OGDH: variants seen among roughly 807,000 people sequenced by gnomAD.
The protein encoded by OGDH is 2-oxoglutarate dehydrogenase complex component E1.
OGDH carries 38 observed loss-of-function variants against 116.6 expected under a neutral mutation model. The ratio of observed to expected loss-of-function variants is 0.33; its 90% confidence interval spans 0.25 to 0.43. The LOEUF (loss-of-function observed/expected upper bound fraction) is 0.43. Ranked by LOEUF, OGDH falls within the 20% of genes least tolerant of loss-of-function variation. The pLI, the probability that OGDH is intolerant of heterozygous loss-of-function variation, is 1.00. For missense variants in OGDH, 825 were observed against 1,357.2 expected (o/e 0.61, Z 6.16); for synonymous variants, 488 against 533.3 (o/e 0.92, Z 1.17).
chr7:44,665,476 T>C (rs1232467899), intron 4 of OGDH, among the ~76,000 whole-genome samples: 1 of 152,094 alleles, frequency 6.6e-6, no homozygotes, highest in African/African-American at 2.4e-5. Context: ...CTTGGGAGAT[T>C]TGTGGGCCCA....
chr7:44,662,055 C>A (rs113371281), intron 4 of OGDH, among the ~76,000 whole-genome samples: 202 of 152,270 alleles, frequency 1.3e-3, no homozygotes, highest in African/African-American at 4.2e-3. Context: ...TACTGTCCTG[C>A]ATTTATAATA....
intron 4 of OGDH, among the ~76,000 whole-genome samples, chr7:44,655,653 A>G (rs1786657416): frequency 6.6e-6 from 1 of 152,246 alleles, no homozygotes; most frequent in South Asian, 2.1e-4. Flanking sequence ...TATCCAAATA[A>G]ATGCCTTGAT....
intron 4 of OGDH, among the ~76,000 whole-genome samples, chr7:44,660,934 GCGCGTGTGCACACACACA>G (rs1168535117): frequency 1.3e-5 from 2 of 151,046 alleles, no homozygotes. Context: ...ACACACACAC[GCGCGTGTGCACACACACA>G]CACATCTGTT....
At chr7:44,621,475 A>C (rs777947316) in intron 1 of OGDH, among the ~76,000 whole-genome samples, 2 of 152,202 alleles carry the variant, frequency 1.3e-5, no homozygotes, top group Non-Finnish European at 2.9e-5. Context: ...TCGTTCTGTC[A>C]AAGTGTGGAC....
chr7:44,626,399 C>T (rs1335618059), intron 2 of OGDH, among the ~76,000 whole-genome samples: 1 of 151,680 alleles, frequency 6.6e-6, no homozygotes, highest in Admixed American at 6.6e-5. Flanking sequence ...AAAACTGAGC[C>T]CTGAGGTTTC....
intron 2 of OGDH, among the ~76,000 whole-genome samples, chr7:44,642,349 C>T (rs6463241): frequency 0.05 from 7,585 of 151,972 alleles, 596 homozygotes; most frequent in African/African-American, 0.17. Context: ...ACTTGAGCCC[C>T]GGAGGTGGGG....
intron 10 of OGDH, among the ~76,000 whole-genome samples, chr7:44,684,940 A>G (rs1585362601): frequency 6.6e-6 from 1 of 151,946 alleles, no homozygotes; most frequent in Non-Finnish European, 1.5e-5. Context: ...GGCACGTGCC[A>G]CCACACCTGG....
At chr7:44,636,939 C>A (rs927457854) in intron 2 of OGDH, among the ~76,000 whole-genome samples, 2 of 152,054 alleles carry the variant, frequency 1.3e-5, no homozygotes, top group African/African-American at 2.4e-5. Flanking sequence ...GGTGGGGGGG[C>A]ACACAAGCTC....
intron 20 of OGDH, among the ~76,000 whole-genome samples, chr7:44,702,216 TTAAG>T (rs1788864544): frequency 6.6e-6 from 1 of 152,116 alleles, no homozygotes; most frequent in African/African-American, 2.4e-5. Flanking sequence ...CTAGAGGCAA[TTAAG>T]TATGTCCAAG....
Position 44,694,888 on chromosome 7 carries a change from G to A in OGDH, c.1668+312G>A, listed in dbSNP as rs1270274457. ...GTGCATGGTTGAGAGGTGGGTGGTG[G>A]ATCCAGCTTGGTAAGGGGCCTGTTG... On this transcript the variant is annotated intron_variant, in intron 12 of 22. Transcript: ENST00000222673. This position sits in a 1 kb window ranked among gnomAD's most constrained non-coding sequence, Gnocchi z 4.2. Among the ~76,000 whole-genome samples, 1 of 152,142 alleles carries A rather than the reference G, an allele frequency of 6.6e-6. No individual in the cohort carries two copies.
intron 2 of OGDH, among the ~76,000 whole-genome samples, chr7:44,637,564 C>G (rs1236892518): frequency 6.6e-6 from 1 of 152,088 alleles, no homozygotes; most frequent in Non-Finnish European, 1.5e-5. Context: ...AATCCCAGCC[C>G]TTTTGGGAGG....
chr7:44,696,588 G>A (rs1788590457), intron 14 of OGDH, 31 bp downstream of exon 14: 1 of 1,613,664 alleles, frequency 6.2e-7, no homozygotes, highest in Non-Finnish European at 8.5e-7. Flanking sequence ...CTGTGGAAAT[G>A]TTGGGGCCCA....
At chr7:44,653,583 G>A (rs141204889) in intron 4 of OGDH, among the ~76,000 whole-genome samples, 3 of 152,334 alleles carry the variant, frequency 2.0e-5, no homozygotes, top group Admixed American at 6.5e-5. Flanking sequence ...CTGGAATGCA[G>A]TGGCACGATC....
At chr7:44,685,415 A>C (rs1478241118) in intron 10 of OGDH, among the ~76,000 whole-genome samples, 3 of 152,204 alleles carry the variant, frequency 2.0e-5, no homozygotes, top group Admixed American at 6.5e-5. Flanking sequence ...AATGTCCTCA[A>C]GGTCCATCCA....
At chr7:44,655,707 A>C (rs181327197) in intron 4 of OGDH, among the ~76,000 whole-genome samples, 23 of 152,330 alleles carry the variant, frequency 1.5e-4, no homozygotes, top group Admixed American at 7.8e-4. Context: ...TAGAAATCCG[A>C]TGAAAAGTTT....
intron 10 of OGDH, among the ~76,000 whole-genome samples, chr7:44,683,913 G>A (rs957666346): frequency 1.3e-5 from 2 of 152,118 alleles, no homozygotes; most frequent in Admixed American, 6.5e-5. Context: ...CACTCTCCTA[G>A]GTACCAGGCA....
In OGDH at chr7:44,690,226, G is replaced by T. The variant is rs532376987; in HGVS notation, c.1336-3599G>T. On this transcript the variant is annotated intron_variant, in intron 10 of 22. Coordinates refer to ENST00000222673, the MANE Select transcript of OGDH (RefSeq NM_002541.4). Reference sequence around the variant, plus strand: ...AACAGTGAGACCTGTTCCAACAGGGGAACCAGCTCCTCCAGAAGTTTTGGA... The same window carrying T: ...AACAGTGAGACCTGTTCCAACAGGGTAACCAGCTCCTCCAGAAGTTTTGGA... 1.2e-4 allele frequency among the ~76,000 whole-genome samples: 18 copies of T among 152,316 alleles called. No homozygotes were observed. The South Asian group carries it at 1.4e-3, about 12-fold the overall frequency.
Position 44,697,563 on chromosome 7 carries a change from G to A in OGDH, c.2180-41G>A, listed in dbSNP as rs1205842097. On this transcript the variant is annotated intron_variant, in intron 16 of 22. Coordinates refer to ENST00000222673, the MANE Select transcript of OGDH (RefSeq NM_002541.4). This position sits in a 1 kb window ranked among gnomAD's most constrained non-coding sequence, Gnocchi z 6.0. ...CCACCCCCGCTGGGCCTACTGGCTGGTGTCCTGGACATGGTTTTCTCCTTC... is the reference window on the plus strand; with the variant it reads ...CCACCCCCGCTGGGCCTACTGGCTGATGTCCTGGACATGGTTTTCTCCTTC... 16 of 1,613,832 alleles carry A rather than the reference G, an allele frequency of 9.9e-6. No individual in the cohort carries two copies. In the East Asian group the frequency reaches 3.3e-4, roughly 34 times the overall value.
At chr7:44,649,220 A>G (rs1786325768) in intron 4 of OGDH, among the ~76,000 whole-genome samples, 1 of 146,474 alleles carries the variant, frequency 6.8e-6, no homozygotes, top group Admixed American at 6.9e-5. Flanking sequence ...AGGGTAGGAG[A>G]GCTGCGGAAT....
Sources: allele counts gnomAD v4.1 joint callset (sites outside exome capture counted in the v4.1 genomes callset), GRCh38; gene constraint gnomAD v4.1.1; non-coding constraint Gnocchi (gnomAD v3.1); transcripts MANE v1.5; gene names NCBI Gene and HGNC (gene_info 2026-07-23, HGNC 2026-07-21).